Variants in TSPAN2 observed in about 807,000 individuals in gnomAD.
The protein encoded by TSPAN2 is tetraspanin 2, also known as tetraspanin-2.
A neutral mutation model predicts 33.3 loss-of-function variants in TSPAN2; 24 were observed. That is an observed-to-expected ratio of 0.72 (90% confidence interval 0.52 to 1.01). TSPAN2 has a LOEUF of 1.01. Ranked by LOEUF, TSPAN2 falls within the 50% of genes least tolerant of loss-of-function variation. TSPAN2 has a pLI of 0.00. For missense variants in TSPAN2, 278 were observed against 281.3 expected, an observed-to-expected ratio of 0.99 and a Z score of 0.08; for synonymous variants, 114 against 104.5, an observed-to-expected ratio of 1.09 and a Z score of -0.56.
chr1:115,088,595 A>G (rs1255248723), intron 1 of TSPAN2, among the ~76,000 whole-genome samples: 1 of 152,202 alleles, frequency 6.6e-6, no homozygotes, highest in Non-Finnish European at 1.5e-5. Context: ...TCTGTGAACC[A>G]TGAATCCTGG....
Position 115,050,456 on chromosome 1 carries a change from A to G in TSPAN2, c.*34T>C. The G allele has an allele frequency of 6.9e-6, 11 of 1,595,066 alleles. No homozygotes were observed. Among genetic ancestry groups the G allele is most frequent in the Non-Finnish European group, 9.5e-6 (11 of 1,162,780 alleles). ...CAGCTCCTGTGACATTTGGTATGAA[A>G]GCTTTAGATTGCAATTTTCATGTAG... On this transcript the variant is annotated 3_prime_UTR_variant, in exon 8 of 8. Coordinates refer to ENST00000369516, the MANE Select transcript of TSPAN2 (RefSeq NM_005725.6).
At chr1:115,072,738 C>T (rs529511340) in intron 2 of TSPAN2, among the ~76,000 whole-genome samples, 167 bp downstream of exon 2, 3 of 152,146 alleles carry the variant, frequency 2.0e-5, no homozygotes, top group African/African-American at 4.8e-5. Flanking sequence ...GCAGACAACT[C>T]GGAGGGCTAC....
chr1:115,059,031 A>T lies in TSPAN2; in HGVS notation c.346-50T>A, dbSNP rs181612586. 4.5e-3 allele frequency: 6,256 copies of T among 1,399,080 alleles called. 33 individuals carry two copies. Among genetic ancestry groups the T allele is most frequent in the South Asian group, 4.7e-3 (405 of 85,290 alleles). The allele number at this position is 1,399,080 out of a possible 1,614,324, so 86.7% of individuals were successfully genotyped here. ...AGGACTTCTGGGTGGGAAGTTTCAA[A>T]CATTCTCCTTTCATCAAGGAAAATC... On this transcript the variant is annotated intron_variant, in intron 4 of 7. Coordinates refer to ENST00000369516, the MANE Select transcript of TSPAN2 (RefSeq NM_005725.6).
Position 115,072,949 on chromosome 1 carries a change from T to A in TSPAN2, c.128A>T (p.Lys43Met). ...GGACTTGTCCTCTGATGATAACTCC[T>A]TTATGGCACCTCCGAACCGAAACCA... ...GLWFRFGGAI[K>M]ELSSEDKSPE... Residue 43 changes from lysine (K) to methionine (M), a missense_variant, in exon 2 of 8, where the codon AAG (lysine) becomes ATG (methionine). Physicochemically the swap from Lys to Met is moderately conservative, Grantham distance 95 (BLOSUM62 -1). Transcript: ENST00000369516. 1.2e-6 allele frequency: 2 copies of A among 1,614,194 alleles called. No homozygotes were observed. The highest frequency in any genetic ancestry group is 1.7e-6 in the Non-Finnish European group (2 of 1,180,028).
In TSPAN2 at chr1:115,068,363, T is replaced by C. The variant is rs567126566; in HGVS notation, c.172+4542A>G. On this transcript the variant is annotated intron_variant, in intron 2 of 7. Transcript: ENST00000369516. ...AGCTTCCCCCAGAAGATGGGACAAT[T>C]TCCCTTACAAAGTCTGGCAGTCATC... is the stretch of plus-strand genomic sequence containing the variant. Among the ~76,000 whole-genome samples the C allele has an allele frequency of 5.8e-4, 89 of 152,268 alleles. 1 individual carries two copies. The highest frequency in any genetic ancestry group is 1.2e-3 in the Non-Finnish European group (82 of 67,990).
intron 2 of TSPAN2, among the ~76,000 whole-genome samples, chr1:115,070,458 C>G (rs543359191): frequency 6.7e-6 from 1 of 150,086 alleles, no homozygotes; most frequent in Non-Finnish European, 1.5e-5. Context: ...GCAGATCATA[C>G]CCTACCCCCG....
In TSPAN2 at chr1:115,050,389, T is replaced by C. The variant is rs3738705; in HGVS notation, c.*101A>G. 4.0e-4 allele frequency: 425 copies of C among 1,067,584 alleles called. 4 individuals carry two copies. In the East Asian group the frequency reaches 0.01, roughly 25 times the overall value. The allele number at this position is 1,067,584 out of a possible 1,614,324, so 66.1% of individuals were successfully genotyped here. The stretch of plus-strand genomic sequence containing the variant: ...ATGTACAATTGACAGCAAATTATTT[T>C]AGATCCTAATGTCATTTCAGTGTTA... On this transcript the variant is annotated 3_prime_UTR_variant, in exon 8 of 8. Transcript: ENST00000369516.
intron 4 of TSPAN2, among the ~76,000 whole-genome samples, chr1:115,059,517 C>T (rs575462582): frequency 2.6e-5 from 4 of 152,294 alleles, no homozygotes; most frequent in South Asian, 2.1e-4. Context: ...AGCTAGGATC[C>T]GGACTTATAC....
At chr1:115,083,450 A>G (rs1406859) in intron 1 of TSPAN2, among the ~76,000 whole-genome samples, 75,116 of 152,006 alleles carry the variant, frequency 0.49, 18,975 homozygotes, top group Non-Finnish European at 0.56. Flanking sequence ...AAAACAAGCC[A>G]AGTGAGTAAG....
Position 115,086,182 on chromosome 1 carries a change from C to A in TSPAN2, c.69+3182G>T, listed in dbSNP as rs529287790. ...TTGAGCATTTACTATGTCCTAGGCT[C>A]ATAGGAAGTTGAGGTCACATACTTT... On this transcript the variant is annotated intron_variant, in intron 1 of 7. Coordinates refer to ENST00000369516, the MANE Select transcript of TSPAN2 (RefSeq NM_005725.6). Among the ~76,000 whole-genome samples the A allele has an allele frequency of 7.9e-5, 12 of 152,308 alleles. No homozygotes were observed. The East Asian group carries it at 2.1e-3, about 27-fold the overall frequency.
At position 115,058,919 on chromosome 1, in the gene TSPAN2, T is replaced by A; in HGVS notation, c.408A>T (p.Gly136=). The change falls in exon 5 of 8, where the codon GGA becomes GGT. Residue 136 remains glycine (G), a synonymous_variant. Coordinates refer to ENST00000369516, the MANE Select transcript of TSPAN2 (RefSeq NM_005725.6). ...EAYNDYLKDR[G]KGNGTLITFH... ...AGGTGATGAGTGTCCCATTGCCTTT[T>A]CCCCTGTCTTTAAGGTAATCATTGT... 1 of 1,614,144 alleles carries A rather than the reference T, an allele frequency of 6.2e-7. No homozygotes were observed. The highest frequency in any genetic ancestry group is 2.2e-5 in the East Asian group (1 of 44,882).
At chr1:115,059,122 T>G (rs1490163358) in intron 4 of TSPAN2, 141 bp from the exon 5 acceptor site, 2 of 697,348 alleles carry the variant, frequency 2.9e-6, no homozygotes, top group Non-Finnish European at 2.5e-6. Context: ...CTTTGGGGAC[T>G]CAGGGGAAAG....
chr1:115,080,987 A>G (rs899422354), intron 1 of TSPAN2, among the ~76,000 whole-genome samples: 2 of 152,236 alleles, frequency 1.3e-5, no homozygotes, highest in African/African-American at 4.8e-5. Flanking sequence ...CAGATAAACA[A>G]TTCTTAATTA....
At chr1:115,081,990 A>G (rs1648641734) in intron 1 of TSPAN2, among the ~76,000 whole-genome samples, 1 of 152,160 alleles carries the variant, frequency 6.6e-6, no homozygotes, top group African/African-American at 2.4e-5. Flanking sequence ...TGTTTTTAAG[A>G]CCCCATAAGA....
chr1:115,066,365 T>C (rs1333662931), intron 2 of TSPAN2, among the ~76,000 whole-genome samples: 1 of 152,236 alleles, frequency 6.6e-6, no homozygotes, highest in East Asian at 1.9e-4. Flanking sequence ...ACCAATAGTG[T>C]ACGAGGCTTC....
intron 3 of TSPAN2, among the ~76,000 whole-genome samples, chr1:115,061,441 T>C (rs1647714576): frequency 6.6e-6 from 1 of 152,260 alleles, no homozygotes; most frequent in Non-Finnish European, 1.5e-5. Context: ...AGAGGGATTT[T>C]GGTTAAGTTA....
chr1:115,062,273 G>A (rs1358308517), intron 2 of TSPAN2, 41 bp from the exon 3 acceptor site: 4 of 1,515,330 alleles, frequency 2.6e-6, no homozygotes, highest in Admixed American at 3.9e-5. Flanking sequence ...AGAGCCAACC[G>A]AGTGCCTCCA....
rs147092877 is a variant in TSPAN2 at position 115,084,650 on chromosome 1, T to C, written c.69+4714A>G. 2.3e-3 allele frequency among the ~76,000 whole-genome samples: 346 copies of C among 152,346 alleles called. 1 individual carries two copies. The highest frequency in any genetic ancestry group is 8.0e-3 in the African/African-American group (334 of 41,584). Reference sequence around the variant, plus strand: ...GCTGAGAACATTCCTATCTGCCTTATGGGCTGGTCTCCAAAGAATACTTTC... The same window carrying C: ...GCTGAGAACATTCCTATCTGCCTTACGGGCTGGTCTCCAAAGAATACTTTC... On this transcript the variant is annotated intron_variant, in intron 1 of 7. Transcript: ENST00000369516.
At chr1:115,053,542 T>G in intron 6 of TSPAN2, 80 bp from the exon 7 acceptor site, 3 of 1,182,498 alleles carry the variant, frequency 2.5e-6, no homozygotes, top group Non-Finnish European at 2.5e-6. Context: ...TTTCCATCTC[T>G]ACAGTTCATT....
Sources: gnomAD v4.1 joint callset for allele counts (sites outside exome capture counted in the v4.1 genomes callset) on GRCh38, gnomAD v4.1.1 for gene constraint, MANE v1.5 for transcripts, NCBI Gene and HGNC (gene_info 2026-07-23, HGNC 2026-07-21) for gene names.